Variants in UMAD1 observed in about 807,000 individuals in gnomAD.
The protein encoded by UMAD1 is UBAP1-MVB12-associated (UMA)-domain containing protein 1.
UMAD1 carries 8 observed loss-of-function variants against 6.1 expected under a neutral mutation model. The ratio of observed to expected loss-of-function variants is 1.30; its 90% CI spans 0.76 to 2.35. UMAD1 has a LOEUF of 2.35. Ranked by LOEUF, UMAD1 falls within the 30% of genes most tolerant of loss-of-function variation. UMAD1 has a pLI of 0.00. For missense variants in UMAD1, 130 were observed against 78.4 expected (o/e 1.66, Z -2.49); for synonymous variants, 56 against 31.4 (o/e 1.78, Z -2.61).
At chr7:7,795,126 G>C (rs1357693422) in intron 2 of UMAD1, among the ~76,000 whole-genome samples, 1 of 152,130 alleles carries the variant, frequency 6.6e-6, no homozygotes, top group Admixed American at 6.6e-5. Flanking sequence ...TTATGTCTTT[G>C]CCTGTAATTT....
chr7:7,668,002 C>T (rs781695703), intron 1 of UMAD1, among the ~76,000 whole-genome samples: 11 of 152,106 alleles, frequency 7.2e-5, no homozygotes, highest in East Asian at 5.8e-4. Flanking sequence ...CTTTCACCCC[C>T]GCCTTCTGGG....
At chr7:7,645,466 C>G (rs1785072362) in intron 1 of UMAD1, among the ~76,000 whole-genome samples, 1 of 152,174 alleles carries the variant, frequency 6.6e-6, no homozygotes, top group Non-Finnish European at 1.5e-5. Context: ...ATGGTTATCT[C>G]ATAGGCCAGG....
At chr7:7,819,056 G>A (rs1343275344) in intron 3 of UMAD1, among the ~76,000 whole-genome samples, 1 of 152,020 alleles carries the variant, frequency 6.6e-6, no homozygotes. Context: ...CACCATGTTG[G>A]CTAGGCTGGT....
chr7:7,699,434 A>C (rs1780403787), intron 2 of UMAD1, among the ~76,000 whole-genome samples: 1 of 152,172 alleles, frequency 6.6e-6, no homozygotes, highest in African/African-American at 2.4e-5. Context: ...AATTTTGTTT[A>C]GTTTTTACTT....
At chr7:7,792,026 C>A (rs946371475) in intron 2 of UMAD1, among the ~76,000 whole-genome samples, 1 of 152,134 alleles carries the variant, frequency 6.6e-6, no homozygotes, top group African/African-American at 2.4e-5. Flanking sequence ...AGTGTGTATG[C>A]AGCATTTTCT....
intron 2 of UMAD1, among the ~76,000 whole-genome samples, chr7:7,675,775 C>A (rs1275039968): frequency 6.6e-6 from 1 of 152,136 alleles, no homozygotes; most frequent in East Asian, 1.9e-4. Flanking sequence ...CGTCGTAGTT[C>A]CAGGATAGCA....
At chr7:7,811,517 A>T (rs556535296) in intron 3 of UMAD1, among the ~76,000 whole-genome samples, 1 of 152,170 alleles carries the variant, frequency 6.6e-6, no homozygotes, top group Non-Finnish European at 1.5e-5. Context: ...ATGATCTAGG[A>T]TATGTTGCTG....
intron 2 of UMAD1, among the ~76,000 whole-genome samples, chr7:7,799,377 A>C (rs1782753189): frequency 6.6e-6 from 1 of 152,246 alleles, no homozygotes; most frequent in Non-Finnish European, 1.5e-5. Flanking sequence ...GCTTCCAGGC[A>C]GATGTGTTGT....
At chr7:7,670,108 C>G (rs1779569116) in intron 1 of UMAD1, among the ~76,000 whole-genome samples, 1 of 152,136 alleles carries the variant, frequency 6.6e-6, no homozygotes, top group Non-Finnish European at 1.5e-5. Context: ...AAATTCCATA[C>G]ACAATACTTG....
chr7:7,803,521 G>T (rs552663669), intron 3 of UMAD1, among the ~76,000 whole-genome samples: 15 of 152,268 alleles, frequency 9.9e-5, no homozygotes, highest in Admixed American at 8.5e-4. Flanking sequence ...CACCAGGATG[G>T]TTCAAAAATC....
At chr7:7,866,486 T>C (rs1269189810) in intron 3 of UMAD1, among the ~76,000 whole-genome samples, 1 of 152,126 alleles carries the variant, frequency 6.6e-6, no homozygotes, top group Non-Finnish European at 1.5e-5. Flanking sequence ...CAAATTGAAA[T>C]AGGCAAGATG....
At chr7:7,763,967 G>T (rs1443926330) in intron 2 of UMAD1, among the ~76,000 whole-genome samples, 1 of 152,196 alleles carries the variant, frequency 6.6e-6, no homozygotes, top group African/African-American at 2.4e-5. Flanking sequence ...TCAAATAGCA[G>T]TAGAAAAGAA....
intron 2 of UMAD1, among the ~76,000 whole-genome samples, chr7:7,696,494 T>C (rs1431510795): frequency 6.6e-6 from 1 of 152,162 alleles, no homozygotes; most frequent in Non-Finnish European, 1.5e-5. Flanking sequence ...AGGTAACCTG[T>C]TATATGAATT....
At chr7:7,762,782 T>G (rs143000890) in intron 2 of UMAD1, among the ~76,000 whole-genome samples, 17 of 152,202 alleles carry the variant, frequency 1.1e-4, no homozygotes, top group African/African-American at 3.9e-4. Flanking sequence ...AATTGCACAC[T>G]TAACTCTTCA....
intron 1 of UMAD1, among the ~76,000 whole-genome samples, chr7:7,666,159 CT>C (rs1440127528): frequency 6.6e-6 from 1 of 151,562 alleles, no homozygotes; most frequent in Non-Finnish European, 1.5e-5. Context: ...TATCTTTGCC[CT>C]TTGCCAACAC....
Position 7,777,379 on chromosome 7 carries a change from G to A in UMAD1, c.83-24291G>A, listed in dbSNP as rs576549990. ...AAATTAGCTGGGCGTGGTGGTGGGT[G>A]CCTGTAATCCCAGCTACTCGGGAGG... is the stretch of plus-strand genomic sequence containing the variant. On this transcript the variant is annotated intron_variant, in intron 2 of 3. Coordinates refer to ENST00000682710, the MANE Select transcript of UMAD1 (RefSeq NM_001302348.2). Among the ~76,000 whole-genome samples, 3 of 151,382 alleles carry A rather than the reference G, an allele frequency of 2.0e-5. No individual in the cohort carries two copies. The South Asian group carries it at 6.3e-4, about 32-fold the overall frequency.
intron 3 of UMAD1, among the ~76,000 whole-genome samples, chr7:7,814,597 T>C (rs1265330793): frequency 2.0e-5 from 3 of 152,372 alleles, no homozygotes; most frequent in African/African-American, 7.2e-5. Context: ...TATTCCTATA[T>C]GTAAGTATAT....
chr7:7,797,512 A>G (rs1353580710), intron 2 of UMAD1, among the ~76,000 whole-genome samples: 1 of 152,038 alleles, frequency 6.6e-6, no homozygotes, highest in African/African-American at 2.4e-5. Context: ...CTAAGTAGGT[A>G]TTTGGTTCTT....
intron 2 of UMAD1, among the ~76,000 whole-genome samples, chr7:7,737,038 T>C (rs947085253): frequency 6.6e-6 from 1 of 152,258 alleles, no homozygotes; most frequent in Non-Finnish European, 1.5e-5. Flanking sequence ...TTTTCCTTCT[T>C]TGGCGTGGGC....
Sources: gnomAD v4.1 joint callset for allele counts (sites outside exome capture counted in the v4.1 genomes callset) on GRCh38, gnomAD v4.1.1 for gene constraint, MANE v1.5 for transcripts, NCBI Gene and HGNC (gene_info 2026-07-23, HGNC 2026-07-21) for gene names.